Variants in PKIB observed in about 807,000 individuals in gnomAD.
PKIB encodes the protein PKI-beta.
Under a neutral mutation model 4.5 loss-of-function variants are expected in PKIB, and 2 were observed. That is an observed-to-expected ratio of 0.44 (90% CI 0.18 to 1.39). The LOEUF (loss-of-function observed/expected upper bound fraction) is 1.39, where lower values mean the gene tolerates loss of function less well. Ranked by LOEUF, PKIB falls within the 40% of genes most tolerant of loss-of-function variation. PKIB has a pLI of 0.27. For missense variants in PKIB, 94 were observed against 92.6 expected, an observed-to-expected ratio of 1.02 and a Z score of -0.06; for synonymous variants, 38 against 36.0, an observed-to-expected ratio of 1.06 and a Z score of -0.20.
In PKIB at chr6:122,705,514, A is replaced by G. The variant is rs189384024; in HGVS notation, c.-8-12273A>G. 4.7e-5 allele frequency among the ~76,000 whole-genome samples: 7 copies of G among 149,724 alleles called. No individual in the cohort carries two copies. In the East Asian group the frequency reaches 1.4e-3, roughly 29 times the overall value. ...TGATTTAAAAACTTCACCTTTTAAT[A>G]TGCTTTAATGGTTCTCCTTGACATC... On this transcript the variant is annotated intron_variant, in intron 3 of 4. Coordinates refer to ENST00000368452, the MANE Select transcript of PKIB (RefSeq NM_181795.3).
chr6:122,586,030 C>G (rs1205975115), intron 3 of PKIB: 1 of 152,116 alleles, frequency 6.6e-6, no homozygotes, highest in African/African-American at 2.4e-5. Context: ...TGGTAGTGAT[C>G]ACGTTTTGTC....
At chr6:122,701,126 C>T in intron 3 of PKIB, 1 of 231,460 alleles carries the variant, frequency 4.3e-6, no homozygotes, top group East Asian at 9.6e-5. Flanking sequence ...AGAGTGCAAG[C>T]AATAGCAGCT....
At chr6:122,677,115 T>A (rs775020093) in intron 3 of PKIB, among the ~76,000 whole-genome samples, 2 of 150,046 alleles carry the variant, frequency 1.3e-5, no homozygotes, top group Non-Finnish European at 3.0e-5. Flanking sequence ...TGGCCACACT[T>A]CCAACTATTA....
intron 3 of PKIB, among the ~76,000 whole-genome samples, chr6:122,693,882 A>G (rs1432892935): frequency 1.3e-5 from 2 of 152,216 alleles, no homozygotes; most frequent in Admixed American, 1.3e-4. Flanking sequence ...AAAAAACTCT[A>G]GGAGATGACT....
At chr6:122,520,197 G>C (rs1339592676) in intron 2 of PKIB, among the ~76,000 whole-genome samples, 1 of 151,964 alleles carries the variant, frequency 6.6e-6, no homozygotes, top group African/African-American at 2.4e-5. Context: ...TCAGCATATT[G>C]GTCAATTTGA....
At chr6:122,702,615 C>T (rs1175706002) in intron 3 of PKIB, among the ~76,000 whole-genome samples, 2 of 151,918 alleles carry the variant, frequency 1.3e-5, no homozygotes, top group Admixed American at 1.3e-4. Flanking sequence ...TCACTGCACC[C>T]AGCCTTAAGG....
At chr6:122,695,801 C>T (rs62423929) in intron 3 of PKIB, among the ~76,000 whole-genome samples, 21,431 of 152,076 alleles carry the variant, frequency 0.14, 1,917 homozygotes, top group East Asian at 0.22. Flanking sequence ...TTCTTAATAT[C>T]TAAAAGACTC....
At chr6:122,595,980 A>G (rs897038415) in intron 3 of PKIB, among the ~76,000 whole-genome samples, 4 of 152,076 alleles carry the variant, frequency 2.6e-5, no homozygotes, top group African/African-American at 7.2e-5. Context: ...AGGTCCATCC[A>G]CTTACCTCTT....
rs144697875 is a variant in PKIB at position 122,684,678 on chromosome 6, C to T, written c.-9+9534C>T. Reference sequence around the variant, plus strand: ...TACCAGCAATCTGGTCTCCTATATACATCTTTGAAAATAGACCGGCTTTTT... The same window carrying T: ...TACCAGCAATCTGGTCTCCTATATATATCTTTGAAAATAGACCGGCTTTTT... On this transcript the variant is annotated intron_variant, in intron 3 of 4. Transcript: ENST00000368452. Among the ~76,000 whole-genome samples, 184 of 152,286 alleles carry T rather than the reference C, an allele frequency of 1.2e-3. 3 individuals are homozygous for T. The East Asian group carries it at 0.02, about 16-fold the overall frequency.
chr6:122,714,173 T>C (rs1460050615), intron 3 of PKIB, among the ~76,000 whole-genome samples: 1 of 152,184 alleles, frequency 6.6e-6, no homozygotes, highest in East Asian at 1.9e-4. Flanking sequence ...GAAAATAGCT[T>C]TTCTCTGTAG....
At chr6:122,549,753 T>C (rs1772614300) in intron 2 of PKIB, among the ~76,000 whole-genome samples, 1 of 151,066 alleles carries the variant, frequency 6.6e-6, no homozygotes, top group South Asian at 2.1e-4. Flanking sequence ...TTCTCTTCGC[T>C]AGAGGCAATC....
At chr6:122,492,011 A>G (rs1392885824) in intron 2 of PKIB, among the ~76,000 whole-genome samples, 1 of 152,166 alleles carries the variant, frequency 6.6e-6, no homozygotes, top group Non-Finnish European at 1.5e-5. Context: ...CCAACTGTGG[A>G]TTAGTTACGC....
In PKIB at chr6:122,546,152, C is replaced by G. The variant is rs952907491; in HGVS notation, c.-247-39769C>G. 5.3e-5 allele frequency among the ~76,000 whole-genome samples: 8 copies of G among 152,050 alleles called. 1 individual carries two copies. The highest frequency in any genetic ancestry group is 1.9e-4 in the African/African-American group (8 of 41,348). ...AGCTGTTTTAAGCTGCACAGTTCTT[C>G]CTTTTCTTGAGAAGAGAAGTTTTTT... On this transcript the variant is annotated intron_variant, in intron 2 of 6. Transcript: ENST00000392491.
intron 3 of PKIB, among the ~76,000 whole-genome samples, chr6:122,697,190 A>G (rs1007489358): frequency 1.3e-5 from 2 of 152,126 alleles, no homozygotes; most frequent in African/African-American, 4.8e-5. Flanking sequence ...GCAGGCAAAC[A>G]GAGAACAAAA....
chr6:122,692,956 T>C (rs1429246654), intron 3 of PKIB, among the ~76,000 whole-genome samples: 1 of 152,264 alleles, frequency 6.6e-6, no homozygotes, highest in Non-Finnish European at 1.5e-5. Flanking sequence ...TAAAGACTAT[T>C]CAAGTTAAGA....
intron 2 of PKIB, among the ~76,000 whole-genome samples, chr6:122,553,529 G>A (rs903501395): frequency 7.0e-5 from 8 of 114,558 alleles, no homozygotes; most frequent in South Asian, 3.0e-4. Context: ...CTGACTCTTC[G>A]CTCTCATGAA....
At chr6:122,518,123 T>C (rs765613306) in intron 2 of PKIB, among the ~76,000 whole-genome samples, 13 of 152,132 alleles carry the variant, frequency 8.5e-5, no homozygotes, top group Admixed American at 7.9e-4. Flanking sequence ...AAAACTTTAT[T>C]TATGGAAACT....
At chr6:122,495,552 A>G (rs1272211515) in intron 2 of PKIB, among the ~76,000 whole-genome samples, 1 of 151,908 alleles carries the variant, frequency 6.6e-6, no homozygotes, top group Non-Finnish European at 1.5e-5. Flanking sequence ...CTGGCCCTTC[A>G]GGAGTCATAT....
chr6:122,672,741 A>G (rs1394436051), intron 2 of PKIB, among the ~76,000 whole-genome samples: 2 of 151,654 alleles, frequency 1.3e-5, no homozygotes, highest in Admixed American at 6.6e-5. Flanking sequence ...TAATATAGCA[A>G]ATAAGTTATA....
Sources: gnomAD v4.1 joint callset for allele counts (sites outside exome capture counted in the v4.1 genomes callset) on GRCh38, gnomAD v4.1.1 for gene constraint, MANE v1.5 for transcripts, NCBI Gene and HGNC (gene_info 2026-07-23, HGNC 2026-07-21) for gene names.